The following KIAA1217 variants were observed in gnomAD, a reference collection of about 807,000 sequenced individuals.
KIAA1217 encodes the protein sickle tail protein homolog.
Under a neutral mutation model 163.9 loss-of-function variants are expected in KIAA1217, and 88 were observed. The ratio of observed to expected loss-of-function variants is 0.54; its 90% confidence interval spans 0.45 to 0.64. The LOEUF is 0.64. Ranked by LOEUF, KIAA1217 falls within the 30% of genes least tolerant of loss-of-function variation. KIAA1217 has a pLI of 0.00. For missense variants in KIAA1217, 2,372 were observed against 2,475.0 expected, an observed-to-expected ratio of 0.96 and a Z score of 0.88; for synonymous variants, 903 against 923.1, an observed-to-expected ratio of 0.98 and a Z score of 0.39.
At chr10:24,175,638 G>A (rs2065846425) in intron 2 of KIAA1217, among the ~76,000 whole-genome samples, 1 of 152,110 alleles carries the variant, frequency 6.6e-6, no homozygotes, top group South Asian at 2.1e-4. Context: ...GACCCTCGCG[G>A]TGAGTGTTAC....
chr10:24,398,889 T>C (rs990906651), intron 3 of KIAA1217, among the ~76,000 whole-genome samples: 20 of 152,148 alleles, frequency 1.3e-4, no homozygotes, highest in Non-Finnish European at 2.8e-4. Context: ...CAGTTACCAA[T>C]TTCAAGTGTT....
chr10:23,890,336 C>T (rs1841365998), intron 1 of KIAA1217, among the ~76,000 whole-genome samples: 1 of 151,576 alleles, frequency 6.6e-6, no homozygotes, highest in Non-Finnish European at 1.5e-5. Context: ...TTTAATCTTT[C>T]TCTTTCTTTA....
chr10:24,416,916 A>T (rs984630023), intron 3 of KIAA1217, among the ~76,000 whole-genome samples: 6 of 151,528 alleles, frequency 4.0e-5, no homozygotes, highest in Non-Finnish European at 7.4e-5. Flanking sequence ...CGGGACAAGG[A>T]CTCCCTTCCC....
intron 2 of KIAA1217, among the ~76,000 whole-genome samples, chr10:24,170,864 G>T (rs557328217): frequency 5.3e-5 from 8 of 152,180 alleles, no homozygotes; most frequent in Non-Finnish European, 1.2e-4. Context: ...GAGTGAAGGG[G>T]GCCCACATCC....
chr10:23,968,431 G>T (rs1229074312), intron 1 of KIAA1217, among the ~76,000 whole-genome samples: 2 of 152,170 alleles, frequency 1.3e-5, no homozygotes, highest in Non-Finnish European at 2.9e-5. Context: ...CTTATGGAAA[G>T]CACCCAGTGC....
intron 2 of KIAA1217, among the ~76,000 whole-genome samples, chr10:24,180,841 T>C (rs2066140811): frequency 6.6e-6 from 1 of 152,216 alleles, no homozygotes; most frequent in South Asian, 2.1e-4. Flanking sequence ...AGCTTCTCTC[T>C]CTTGCTCATG....
chr10:24,372,864 T>A (rs1322647505), intron 2 of KIAA1217, among the ~76,000 whole-genome samples: 1 of 152,208 alleles, frequency 6.6e-6, no homozygotes, highest in Non-Finnish European at 1.5e-5. Context: ...CTATTAAAGA[T>A]GTAATATGTA....
chr10:24,438,514 G>GT, intron 5 of KIAA1217, 35 bp downstream of exon 5: 2 of 1,396,562 alleles, frequency 1.4e-6, no homozygotes, highest in East Asian at 2.3e-5. Context: ...CTTATCTTCA[G>GT]TGGGTCAAAG....
chr10:23,782,212 A>G (rs758621924), intron 1 of KIAA1217, among the ~76,000 whole-genome samples: 1 of 152,090 alleles, frequency 6.6e-6, no homozygotes, highest in African/African-American at 2.4e-5. Context: ...ATATCTTTCC[A>G]TTTATGTGTA....
At chr10:23,758,029 C>G (rs1197541792) in intron 1 of KIAA1217, among the ~76,000 whole-genome samples, 1 of 151,988 alleles carries the variant, frequency 6.6e-6, no homozygotes, top group African/African-American at 2.4e-5. Context: ...TTTAATAGTG[C>G]CTTTTGATGC....
At chr10:24,385,061 G>C (rs961706563) in intron 3 of KIAA1217, among the ~76,000 whole-genome samples, 8 of 152,170 alleles carry the variant, frequency 5.3e-5, no homozygotes, top group African/African-American at 1.9e-4. Context: ...ACTGGCACGT[G>C]GTGCCACAGT....
At chr10:23,715,663 T>C (rs1837525524) in intron 1 of KIAA1217, among the ~76,000 whole-genome samples, 2 of 152,152 alleles carry the variant, frequency 1.3e-5, no homozygotes, top group African/African-American at 4.8e-5. Flanking sequence ...CATGTAAATT[T>C]GAGAATTTCA....
intron 2 of KIAA1217, among the ~76,000 whole-genome samples, chr10:24,320,866 A>G (rs2133287983): frequency 6.6e-6 from 1 of 152,102 alleles, no homozygotes; most frequent in South Asian, 2.1e-4. Flanking sequence ...ACACAGTGAA[A>G]CCCTGTCTCT....
chr10:24,346,184 C>T (rs545752941), intron 2 of KIAA1217, among the ~76,000 whole-genome samples: 6 of 152,304 alleles, frequency 3.9e-5, no homozygotes, highest in Admixed American at 3.9e-4. Context: ...AATATTCTGG[C>T]CGGGCACCGT....
intron 1 of KIAA1217, among the ~76,000 whole-genome samples, chr10:23,995,398 C>A (rs149634055): frequency 2.5e-4 from 38 of 152,032 alleles, no homozygotes; most frequent in African/African-American, 8.9e-4. Flanking sequence ...GGGGTAAAAA[C>A]CCCTCAAAGC....
At chr10:24,480,180 A>G (rs1388518765) in intron 6 of KIAA1217, among the ~76,000 whole-genome samples, 2 of 152,236 alleles carry the variant, frequency 1.3e-5, no homozygotes, top group African/African-American at 4.8e-5. Context: ...GGGGGGCAAA[A>G]TGCCCCAGCT....
intron 1 of KIAA1217, among the ~76,000 whole-genome samples, chr10:23,899,367 G>C (rs1841856178): frequency 6.6e-6 from 1 of 152,090 alleles, no homozygotes; most frequent in Admixed American, 6.6e-5. Flanking sequence ...TCTGGTGGGT[G>C]TGAAATAGTA....
chr10:23,990,909 G>A (rs1287103002), intron 1 of KIAA1217, among the ~76,000 whole-genome samples: 1 of 152,108 alleles, frequency 6.6e-6, no homozygotes, highest in African/African-American at 2.4e-5. Flanking sequence ...AAAGAACGTT[G>A]GAGAACAACC....
chr10:24,544,816 G>C (rs571874585), intron 19 of KIAA1217, among the ~76,000 whole-genome samples, 165 bp from the exon 20 acceptor site: 5 of 152,326 alleles, frequency 3.3e-5, no homozygotes, highest in Non-Finnish European at 5.9e-5. Flanking sequence ...AGTTGATTCT[G>C]TTTGATTCTT....
Sources: gnomAD v4.1 joint callset for allele counts (sites outside exome capture counted in the v4.1 genomes callset) on GRCh38, gnomAD v4.1.1 for gene constraint, MANE v1.5 for transcripts, NCBI Gene and HGNC (gene_info 2026-07-23, HGNC 2026-07-21) for gene names.